The following MYH15 variants were observed in gnomAD, a reference collection of about 807,000 sequenced individuals.
The protein encoded by MYH15 is myosin heavy chain 15.
A neutral mutation model predicts 240.5 loss-of-function variants in MYH15; 227 were observed. The ratio of observed to expected loss-of-function variants is 0.94; its 90% CI spans 0.85 to 1.05. The LOEUF (loss-of-function observed/expected upper bound fraction) is 1.05. Among genes scored for constraint, MYH15 ranks in the 50% least tolerant of loss-of-function variants. MYH15 has a pLI of 0.00. For synonymous variants in MYH15, 785 were observed against 796.7 expected, an observed-to-expected ratio of 0.99 and a Z score of 0.25; for missense variants, 2,217 against 2,247.5, an observed-to-expected ratio of 0.99 and a Z score of 0.27.
intron 4 of MYH15, 120 bp from the exon 5 acceptor site, chr3:108,499,602 T>A (rs1235034426): frequency 1.0e-6 from 1 of 957,640 alleles, no homozygotes; most frequent in African/African-American, 1.7e-5. Context: ...AGGATTAGCA[T>A]CATTTATAGT....
chr3:108,428,671 G>C lies in MYH15; in HGVS notation c.3523C>G (p.Leu1175Val), dbSNP rs768249808. 1.2e-6 allele frequency: 2 copies of C among 1,613,648 alleles called. No homozygotes were observed. The highest frequency in any genetic ancestry group is 2.2e-5 in the East Asian group (1 of 44,836). Residue 1175 changes from leucine (L) to valine (V), a missense_variant, in exon 27 of 41, where the codon CTG (leucine) becomes GTG (valine). Physicochemically the swap from Leu to Val is conservative, Grantham distance 32. Transcript: ENST00000693548. The stretch of plus-strand genomic sequence containing the variant: ...GATGCAGAAGTTGTCTCAAAGTGCA[G>C]AGTGGCCTCTTCCATGTCTCGGTGC... ...KLHRDMEEAT[L>V]HFETTSASLK...
intron 1 of MYH15, among the ~76,000 whole-genome samples, chr3:108,529,074 A>T (rs1298473569): frequency 6.6e-6 from 1 of 152,208 alleles, no homozygotes; most frequent in Non-Finnish European, 1.5e-5. Context: ...ATTTTTAAAA[A>T]GCAGACCGGC....
chr3:108,435,717 T>C (rs1255960014), intron 25 of MYH15, among the ~76,000 whole-genome samples: 1 of 150,092 alleles, frequency 6.7e-6, no homozygotes, highest in Admixed American at 6.7e-5. Context: ...TATATGTATG[T>C]ATACAGATGT....
rs1306712345 is a variant in MYH15 at position 108,386,076 on chromosome 3, C to T, written c.5536-1294G>A. On this transcript the variant is annotated intron_variant, in intron 38 of 40. Coordinates refer to ENST00000693548, the MANE Select transcript of MYH15 (RefSeq NM_014981.3). The stretch of plus-strand genomic sequence containing the variant: ...TCTTTGTTTTTATCTGCCTATCCCT[C>T]AACTTGTCAGGTTTATAAAATTCAA... Among the ~76,000 whole-genome samples, 7 of 152,352 alleles carry T rather than the reference C, an allele frequency of 4.6e-5. No individual in the cohort carries two copies. In the East Asian group the frequency reaches 1.4e-3, roughly 29 times the overall value.
chr3:108,532,400 C>G (rs1227559985), upstream of MYH15, among the ~76,000 whole-genome samples: 1 of 152,108 alleles, frequency 6.6e-6, no homozygotes, highest in East Asian at 1.9e-4. Flanking sequence ...AGAGCTGGGA[C>G]ATCAGTCTTT....
chr3:108,391,453 T>G (rs1271961447), intron 37 of MYH15, among the ~76,000 whole-genome samples: 1 of 152,076 alleles, frequency 6.6e-6, no homozygotes, highest in Non-Finnish European at 1.5e-5. Context: ...GGGGTGTGTT[T>G]GGAAACACCA....
chr3:108,412,981 T>A (rs554147153), intron 30 of MYH15, among the ~76,000 whole-genome samples: 2 of 152,360 alleles, frequency 1.3e-5, no homozygotes, highest in East Asian at 3.9e-4. Flanking sequence ...CAGAGTACCA[T>A]GTTTGCCCTT....
intron 10 of MYH15, 139 bp from the exon 11 acceptor site, chr3:108,485,368 G>A (rs2083297823): frequency 1.1e-6 from 1 of 915,716 alleles, no homozygotes. Context: ...ATGCAAATCA[G>A]CCCTGTTGGC....
At chr3:108,534,466 A>G in the MYH15 span, among the ~76,000 whole-genome samples, 1 of 152,182 alleles carries the variant, frequency 6.6e-6, no homozygotes, top group South Asian at 2.1e-4. Flanking sequence ...TCAGCCAGAA[A>G]CTGGTTTAAT....
intron 2 of MYH15, 129 bp downstream of exon 2, chr3:108,505,594 G>C (rs1021235429): frequency 3.4e-5 from 15 of 441,460 alleles, no homozygotes; most frequent in African/African-American, 2.7e-4. Flanking sequence ...TTCTTAAAAT[G>C]AATGACTCCG....
chr3:108,459,474 C>T (rs370676417), intron 17 of MYH15, 25 bp from the exon 18 acceptor site: 68 of 1,467,310 alleles, frequency 4.6e-5, no homozygotes, highest in Non-Finnish European at 6.0e-5. Context: ...ATAATAAACA[C>T]AAAATCACTT....
At chr3:108,511,492 C>T (rs2083522398), upstream of MYH15, among the ~76,000 whole-genome samples, 1 of 152,168 alleles carries the variant, frequency 6.6e-6, no homozygotes, top group Non-Finnish European at 1.5e-5. Flanking sequence ...TCACTGAGCA[C>T]CCACTGTATA....
At chr3:108,442,333 A>G (rs777599098) in intron 22 of MYH15, among the ~76,000 whole-genome samples, 2 of 152,194 alleles carry the variant, frequency 1.3e-5, no homozygotes, top group Non-Finnish European at 2.9e-5. Flanking sequence ...AGAAGCACAG[A>G]TGGAGAGAGG....
At chr3:108,398,874 C>T in intron 34 of MYH15, 34 bp from the exon 35 acceptor site, 1 of 1,598,160 alleles carries the variant, frequency 6.3e-7, no homozygotes, top group Non-Finnish European at 8.6e-7. Flanking sequence ...GAGTACAGAT[C>T]CCTCTGAGTT....
chr3:108,444,609 G>T (rs369070710), intron 22 of MYH15, 31 bp downstream of exon 22: 24 of 1,606,470 alleles, frequency 1.5e-5, no homozygotes, highest in Non-Finnish European at 2.0e-5. Context: ...TTAAAAACTT[G>T]ATTTAAAGAA....
chr3:108,428,346 T>A (rs937182581), intron 27 of MYH15, 146 bp downstream of exon 27: 2 of 997,470 alleles, frequency 2.0e-6, no homozygotes, highest in African/African-American at 3.2e-5. Flanking sequence ...TCAGGCCTGA[T>A]CTATTCCGTC....
At chr3:108,535,326 G>A in the MYH15 span, among the ~76,000 whole-genome samples, 2 of 152,116 alleles carry the variant, frequency 1.3e-5, no homozygotes, top group Admixed American at 1.3e-4. Context: ...CAAGGCATCA[G>A]CAGATTTGGT....
At chr3:108,393,919 C>T in intron 36 of MYH15, 112 bp downstream of exon 36, 20 of 1,498,554 alleles carry the variant, frequency 1.3e-5, no homozygotes, top group Non-Finnish European at 1.6e-5. Context: ...CTCCCCCTGG[C>T]TGTATGGGAA....
At chr3:108,439,180 C>T (rs964407402) in intron 24 of MYH15, among the ~76,000 whole-genome samples, 1 of 152,118 alleles carries the variant, frequency 6.6e-6, no homozygotes, top group African/African-American at 2.4e-5. Flanking sequence ...TGAACCCACA[C>T]ATTGAAACTG....
Sources: gnomAD v4.1 joint callset for allele counts (sites outside exome capture counted in the v4.1 genomes callset) on GRCh38, gnomAD v4.1.1 for gene constraint, MANE v1.5 for transcripts, NCBI Gene and HGNC (gene_info 2026-07-23, HGNC 2026-07-21) for gene names.